Variants in EYS observed in about 807,000 individuals in gnomAD.
The protein encoded by EYS is protein eyes shut homolog.
In EYS, 250 loss-of-function variants were observed where a neutral mutation model predicts 282.1. That is an observed-to-expected ratio of 0.89 (90% CI 0.80 to 0.98). The LOEUF is 0.98. EYS is among the 50% of genes least tolerant of loss of function. The pLI, the probability that EYS is intolerant of heterozygous loss-of-function variation, is 0.00. For missense variants in EYS, 4,016 were observed against 3,709.0 expected (o/e 1.08, Z -2.15); for synonymous variants, 1,355 against 1,282.9 (o/e 1.06, Z -1.20).
At chr6:64,803,876 T>A (rs1274408256) in intron 22 of EYS, among the ~76,000 whole-genome samples, 1 of 152,162 alleles carries the variant, frequency 6.6e-6, no homozygotes, top group Non-Finnish European at 1.5e-5. Context: ...AGCAGGCACT[T>A]CCAAGACTGT....
chr6:64,731,266 C>G (rs1403706685), intron 22 of EYS, among the ~76,000 whole-genome samples: 4 of 151,850 alleles, frequency 2.6e-5, no homozygotes, highest in African/African-American at 9.7e-5. Flanking sequence ...AACAAAAGCC[C>G]CAGTTGACAT....
At chr6:64,613,814 A>T (rs1005739615) in intron 24 of EYS, among the ~76,000 whole-genome samples, 1 of 152,060 alleles carries the variant, frequency 6.6e-6, no homozygotes, top group African/African-American at 2.4e-5. Flanking sequence ...TTGGAGAAAA[A>T]TCCCCTCATG....
intron 29 of EYS, among the ~76,000 whole-genome samples, chr6:64,372,463 C>T (rs1398174494): frequency 2.0e-5 from 3 of 151,990 alleles, no homozygotes; most frequent in Non-Finnish European, 4.4e-5. Context: ...TTCTAGCTGC[C>T]TTTAACATTT....
intron 33 of EYS, among the ~76,000 whole-genome samples, chr6:64,001,596 T>C (rs1204120750): frequency 6.6e-6 from 1 of 152,170 alleles, no homozygotes. Context: ...AAGTTCAGGT[T>C]ATCTAAAACA....
chr6:64,193,900 T>C (rs1765196119), intron 31 of EYS, among the ~76,000 whole-genome samples: 1 of 152,192 alleles, frequency 6.6e-6, no homozygotes, highest in Non-Finnish European at 1.5e-5. Context: ...CAGTCTATCA[T>C]TGATGGACAT....
chr6:65,371,814 C>G (rs888496546), intron 8 of EYS, among the ~76,000 whole-genome samples: 1 of 136,672 alleles, frequency 7.3e-6, no homozygotes, highest in Non-Finnish European at 1.6e-5. Flanking sequence ...GAGGGACAGA[C>G]AGAATGAGAG....
chr6:63,949,924 A>T (rs1582015357), intron 35 of EYS, among the ~76,000 whole-genome samples: 1 of 152,172 alleles, frequency 6.6e-6, no homozygotes, highest in Non-Finnish European at 1.5e-5. Flanking sequence ...CTGTAATCCC[A>T]GCACTTTGGG....
At chr6:65,486,465 C>A (rs1462150026) in intron 5 of EYS, among the ~76,000 whole-genome samples, 2 of 152,022 alleles carry the variant, frequency 1.3e-5, no homozygotes, top group Non-Finnish European at 2.9e-5. Flanking sequence ...GATTAAACAG[C>A]TAAAAAAATT....
intron 28 of EYS, among the ~76,000 whole-genome samples, chr6:64,408,174 A>T (rs1006891411): frequency 6.6e-6 from 1 of 151,440 alleles, no homozygotes; most frequent in Non-Finnish European, 1.5e-5. Flanking sequence ...TAATGAGTTA[A>T]TAATAAATAA....
At chr6:63,729,053 T>C (rs1010567085) in intron 41 of EYS, among the ~76,000 whole-genome samples, 2 of 152,212 alleles carry the variant, frequency 1.3e-5, no homozygotes, top group African/African-American at 4.8e-5. Flanking sequence ...CCAATTATTA[T>C]AATTTGTAAT....
chr6:64,863,874 T>C (rs1466903256), intron 19 of EYS, among the ~76,000 whole-genome samples: 1 of 152,334 alleles, frequency 6.6e-6, no homozygotes, highest in Non-Finnish European at 1.5e-5. Flanking sequence ...AGAAGCTGCC[T>C]CCTTTCTAAT....
intron 12 of EYS, among the ~76,000 whole-genome samples, chr6:65,099,067 C>A (rs1346565206): frequency 1.3e-5 from 2 of 150,530 alleles, no homozygotes; most frequent in African/African-American, 4.8e-5. Flanking sequence ...AAATAAAATA[C>A]AACACCAGTA....
intron 12 of EYS, among the ~76,000 whole-genome samples, chr6:65,174,582 A>G (rs1765182852): frequency 6.6e-6 from 1 of 151,290 alleles, no homozygotes; most frequent in African/African-American, 2.4e-5. Flanking sequence ...TAATACCAAG[A>G]ACAAAATGTC....
In EYS at chr6:65,490,593, C is replaced by A. The variant is rs926930860; in HGVS notation, c.862+1G>T. On this transcript the variant is annotated splice_donor_variant, in intron 5 of 42. Transcript: ENST00000503581. LOFTEE classifies it high-confidence loss of function. Reference sequence around the variant, plus strand: ...TGGTTGTATACATATGCATTTTTTACCTGAAAATTGCTCATCACATTCACA... The same window carrying A: ...TGGTTGTATACATATGCATTTTTTAACTGAAAATTGCTCATCACATTCACA... 6.4e-7 allele frequency: 1 copy of A among 1,567,672 alleles called. No homozygotes were observed. Among genetic ancestry groups the A allele is most frequent in the African/African-American group, 1.4e-5 (1 of 73,964 alleles).
chr6:64,687,243 A>G (rs1241111487), intron 22 of EYS, among the ~76,000 whole-genome samples: 1 of 152,114 alleles, frequency 6.6e-6, no homozygotes, highest in Non-Finnish European at 1.5e-5. Context: ...TTAAGAAAAT[A>G]TGATTACAAA....
chr6:65,080,086 C>A (rs552562556), intron 12 of EYS, among the ~76,000 whole-genome samples: 2 of 152,206 alleles, frequency 1.3e-5, no homozygotes, highest in African/African-American at 4.8e-5. Context: ...GTGGAGAACT[C>A]TCTGTCTGTA....
chr6:65,485,769 A>C (rs1212230108), intron 5 of EYS, among the ~76,000 whole-genome samples: 1 of 151,882 alleles, frequency 6.6e-6, no homozygotes, highest in Non-Finnish European at 1.5e-5. Context: ...TCACCACTGC[A>C]CTCCAACCTG....
At chr6:64,882,973 A>C (rs1420548913) in intron 19 of EYS, among the ~76,000 whole-genome samples, 2 of 151,590 alleles carry the variant, frequency 1.3e-5, no homozygotes, top group Admixed American at 6.6e-5. Flanking sequence ...CTAAGAAAAG[A>C]TTCCTATAGA....
chr6:65,519,721 T>A (rs1203484876), intron 2 of EYS, among the ~76,000 whole-genome samples: 17 of 105,800 alleles, frequency 1.6e-4, no homozygotes, highest in East Asian at 5.9e-4. Context: ...TTTTTTTTTT[T>A]TTTTTTTTTT....
Sources: allele counts gnomAD v4.1 joint callset (sites outside exome capture counted in the v4.1 genomes callset), GRCh38; gene constraint gnomAD v4.1.1; transcripts MANE v1.5; gene names NCBI Gene and HGNC (gene_info 2026-07-23, HGNC 2026-07-21).